The following XKR9 variants were observed in gnomAD, a reference collection of about 807,000 sequenced individuals.
The protein encoded by XKR9 is XK related 9.
A neutral mutation model predicts 32.0 loss-of-function variants in XKR9; 32 were observed. The ratio of observed to expected loss-of-function variants is 1.00; its 90% CI spans 0.76 to 1.34. The LOEUF (loss-of-function observed/expected upper bound fraction) is 1.34, where lower values mean the gene tolerates loss of function less well. Among genes scored for constraint, XKR9 ranks in the 40% most tolerant of loss-of-function variants. The pLI is 0.00. For synonymous variants in XKR9, 168 were observed against 143.4 expected, an observed-to-expected ratio of 1.17 and a Z score of -1.22; for missense variants, 546 against 429.7, an observed-to-expected ratio of 1.27 and a Z score of -2.39.
intron 4 of XKR9, among the ~76,000 whole-genome samples, chr8:70,731,894 C>T (rs916200002): frequency 6.6e-6 from 1 of 152,188 alleles, no homozygotes. Context: ...GGACAGAAGG[C>T]CTTCCAAATC....
At chr8:71,022,656 C>G in the XKR9 span, among the ~76,000 whole-genome samples, 1 of 152,194 alleles carries the variant, frequency 6.6e-6, no homozygotes, top group Non-Finnish European at 1.5e-5. Context: ...CTGGATGTCT[C>G]AATCTCTTGC....
At chr8:70,882,431 T>C in the XKR9 span, among the ~76,000 whole-genome samples, 3 of 151,770 alleles carry the variant, frequency 2.0e-5, no homozygotes, top group Non-Finnish European at 2.9e-5. Flanking sequence ...GTATACTTTA[T>C]ATACATATAT....
At chr8:70,747,967 T>C (rs1807081127) in intron 2 of XKR9, among the ~76,000 whole-genome samples, 1 of 152,230 alleles carries the variant, frequency 6.6e-6, no homozygotes, top group African/African-American at 2.4e-5. Context: ...TTTTGTAGAC[T>C]GTGACTATCC....
At chr8:70,768,382 A>G (rs1807406679) in intron 2 of XKR9, among the ~76,000 whole-genome samples, 1 of 152,222 alleles carries the variant, frequency 6.6e-6, no homozygotes, top group Non-Finnish European at 1.5e-5. Context: ...GGTGGTGAGA[A>G]GAATATATAT....
chr8:70,831,224 G>T, the XKR9 span, among the ~76,000 whole-genome samples: 1 of 151,446 alleles, frequency 6.6e-6, no homozygotes, highest in Non-Finnish European at 1.5e-5. Flanking sequence ...CTGGGAGACG[G>T]AGGTTGCAGT....
At chr8:70,860,283 G>A in the XKR9 span, among the ~76,000 whole-genome samples, 1 of 152,006 alleles carries the variant, frequency 6.6e-6, no homozygotes, top group Non-Finnish European at 1.5e-5. Flanking sequence ...AATGGAATTA[G>A]TACCCTTATA....
the XKR9 span, among the ~76,000 whole-genome samples, chr8:70,858,105 G>T: frequency 6.6e-6 from 1 of 152,180 alleles, no homozygotes; most frequent in East Asian, 1.9e-4. Flanking sequence ...AGTGTTGGAA[G>T]TTCTGGCTAG....
At chr8:70,969,954 A>G in the XKR9 span, among the ~76,000 whole-genome samples, 1 of 152,148 alleles carries the variant, frequency 6.6e-6, no homozygotes, top group Non-Finnish European at 1.5e-5. Flanking sequence ...TTTATGCCTG[A>G]GTCCTCATAG....
the XKR9 span, among the ~76,000 whole-genome samples, chr8:70,892,604 T>C: frequency 6.6e-6 from 1 of 152,196 alleles, no homozygotes. Flanking sequence ...ATAGCCTTGC[T>C]GGGTATAGTA....
At chr8:71,016,951 A>G in the XKR9 span, among the ~76,000 whole-genome samples, 1 of 152,202 alleles carries the variant, frequency 6.6e-6, no homozygotes, top group Non-Finnish European at 1.5e-5. Flanking sequence ...TCCTTAGGAA[A>G]AAGTACGTAT....
chr8:70,831,827 A>C, the XKR9 span, among the ~76,000 whole-genome samples: 1 of 152,192 alleles, frequency 6.6e-6, no homozygotes, highest in African/African-American at 2.4e-5. Flanking sequence ...ACTTACTCAA[A>C]GCCTCACGAC....
chr8:70,743,164 T>G (rs1471863040), intron 2 of XKR9, among the ~76,000 whole-genome samples: 1 of 152,186 alleles, frequency 6.6e-6, no homozygotes, highest in East Asian at 1.9e-4. Context: ...GTATCTTCAA[T>G]CTACTGTTAA....
At chr8:70,932,683 A>C in the XKR9 span, among the ~76,000 whole-genome samples, 1 of 152,140 alleles carries the variant, frequency 6.6e-6, no homozygotes, top group Non-Finnish European at 1.5e-5. Flanking sequence ...TGGCTTGTGG[A>C]GTGCCACCTT....
chr8:70,865,386 T>C, the XKR9 span, among the ~76,000 whole-genome samples: 1,475 of 152,212 alleles, frequency 9.7e-3, 22 homozygotes, highest in African/African-American at 0.034. Flanking sequence ...TAAAATCTAA[T>C]TTAATGCTAA....
the XKR9 span, among the ~76,000 whole-genome samples, chr8:70,838,500 T>C: frequency 6.6e-6 from 1 of 152,058 alleles, no homozygotes. Flanking sequence ...GGCACTGTTA[T>C]TCGATTTCAT....
At chr8:70,670,594 C>A (rs1044702997) in intron 1 of XKR9, 1 of 151,080 alleles carries the variant, frequency 6.6e-6, no homozygotes, top group Admixed American at 6.6e-5. Flanking sequence ...ATGAAGAAAA[C>A]GATCTGCTCT....
At chr8:70,850,686 C>T in the XKR9 span, among the ~76,000 whole-genome samples, 1 of 151,900 alleles carries the variant, frequency 6.6e-6, no homozygotes, top group African/African-American at 2.4e-5. Context: ...ATGACAAAAC[C>T]ACATGATTAT....
chr8:70,864,693 C>T, the XKR9 span, among the ~76,000 whole-genome samples: 4 of 152,212 alleles, frequency 2.6e-5, no homozygotes, highest in Non-Finnish European at 4.4e-5. Flanking sequence ...CTTGAAAATG[C>T]TAACAAAAGT....
chr8:70,749,615 C>T (rs1328322416), intron 2 of XKR9, among the ~76,000 whole-genome samples: 1 of 152,232 alleles, frequency 6.6e-6, no homozygotes, highest in Admixed American at 6.5e-5. Context: ...TGCTTGCTCA[C>T]TCACACACCT....
Sources: allele counts gnomAD v4.1 joint callset (sites outside exome capture counted in the v4.1 genomes callset), GRCh38; gene constraint gnomAD v4.1.1; transcripts MANE v1.5; gene names NCBI Gene and HGNC (gene_info 2026-07-23, HGNC 2026-07-21).